AKR1C1: variants seen among roughly 807,000 people sequenced by gnomAD.
AKR1C1 encodes 20 alpha-hydroxysteroid dehydrogenase.
A neutral mutation model predicts 40.6 loss-of-function variants in AKR1C1; 32 were observed. The ratio of observed to expected loss-of-function variants is 0.79; its 90% CI spans 0.60 to 1.06. AKR1C1 has a LOEUF of 1.06. Among genes scored for constraint, AKR1C1 ranks in the 50% least tolerant of loss-of-function variants. AKR1C1 has a pLI of 0.00. For synonymous variants in AKR1C1, 105 were observed against 134.2 expected, an observed-to-expected ratio of 0.78 and a Z score of 1.50; for missense variants, 320 against 363.5, an observed-to-expected ratio of 0.88 and a Z score of 0.97.
chr10:4,973,436 GC>G (rs1244934900), intron 7 of AKR1C1, among the ~76,000 whole-genome samples: 6 of 152,268 alleles, frequency 3.9e-5, no homozygotes, highest in African/African-American at 1.4e-4. Flanking sequence ...CTGTGTGAGC[GC>G]CCCCCTCTCC....
rs1357492916 is a variant in AKR1C1, at chr10:4,978,996, A to G, written c.*1254A>G. The G allele has an allele frequency of 6.6e-6, 1 of 152,238 alleles. No homozygotes were observed. Among genetic ancestry groups the G allele is most frequent in the Non-Finnish European group, 1.5e-5 (1 of 68,044 alleles). The allele number at this position is 152,238 out of a possible 1,614,324, so 9.4% of individuals were successfully genotyped here. On this transcript the variant is annotated 3_prime_UTR_variant, in exon 9 of 9. Transcript: ENST00000380872. The stretch of plus-strand genomic sequence containing the variant: ...ATGCCTTAATGATCAAAGCATTATG[A>G]GAAGGACAGTGGTTTTTAACCTGGG...
At chr10:4,967,295 G>C (rs1221321918) in intron 3 of AKR1C1, 3 of 1,120,972 alleles carry the variant, frequency 2.7e-6, no homozygotes, top group Non-Finnish European at 3.4e-6. Flanking sequence ...GGAAATGATA[G>C]TCATCTCCTT....
In AKR1C1 at chr10:4,968,863, C is replaced by G. The variant is rs140028006; in HGVS notation, c.489C>G (p.Ile163Met). Residue 163 changes from isoleucine to methionine, a missense_variant, in exon 5 of 9, where the codon ATC becomes ATG. This residue lies in a region of AKR1C1 where 214 missense variants were observed against 214.8 expected (regional missense o/e 1.00). Coordinates refer to ENST00000380872, the MANE Select transcript of AKR1C1 (RefSeq NM_001353.6). ...KCKDAGLAKS[I>M]GVSNFNRRQL... ...AAGATGCAGGATTGGCCAAGTCCAT[C>G]GGGGTGTCCAACTTCAACCGCAGGC... 6.2e-6 allele frequency: 10 copies of G among 1,614,054 alleles called. No individual in the cohort carries two copies. In the African/African-American group the frequency reaches 1.3e-4, roughly 22 times the overall value.
chr10:4,964,247 C>T (rs1326337528), intron 1 of AKR1C1, among the ~76,000 whole-genome samples: 1 of 152,180 alleles, frequency 6.6e-6, no homozygotes, highest in African/African-American at 2.4e-5. Flanking sequence ...TATCTCAAGA[C>T]TGTCTTGGGA....
chr10:4,965,798 T>A (rs761174896), intron 1 of AKR1C1, 116 bp from the exon 2 acceptor site: 1 of 1,247,878 alleles, frequency 8.0e-7, no homozygotes, highest in East Asian at 2.4e-5. Context: ...TGATTCTACA[T>A]ACAGAACTCA....
chr10:4,968,549 T>C (rs1430397047), intron 4 of AKR1C1, among the ~76,000 whole-genome samples, 163 bp downstream of exon 4: 1 of 152,064 alleles, frequency 6.6e-6, no homozygotes, highest in Admixed American at 6.5e-5. Flanking sequence ...ATGACAGGCA[T>C]ACAAAAGAGA....
chr10:4,981,317 G>A lies in AKR1C1; in HGVS notation c.*3575G>A, dbSNP rs1554771058. ...ATATGTTGTAATATAGTTAGCCAGGGAGGGGAAAGATCTCTACAAGAAATA... is the reference window on the plus strand; with the variant it reads ...ATATGTTGTAATATAGTTAGCCAGGAAGGGGAAAGATCTCTACAAGAAATA... On this transcript the variant is annotated 3_prime_UTR_variant, in exon 9 of 9. Transcript: ENST00000380872. 6.6e-6 allele frequency: 1 copy of A among 152,186 alleles called. No individual in the cohort carries two copies. Among genetic ancestry groups the A allele is most frequent in the Non-Finnish European group, 1.5e-5 (1 of 68,044 alleles). The allele number at this position is 152,186 out of a possible 1,614,324, so 9.4% of individuals were successfully genotyped here.
In AKR1C1 at chr10:4,972,769, G is replaced by A. The variant is rs1554770032; in HGVS notation, c.846+20G>A. 3.7e-6 allele frequency: 6 copies of A among 1,609,840 alleles called. No homozygotes were observed. Among genetic ancestry groups the A allele is most frequent in the Non-Finnish European group, 5.1e-6 (6 of 1,178,388 alleles). Reference sequence around the variant, plus strand: ...GTGCAGGTGAGGAGCGGGGCTGTGGGCCTCAGGTCTCCTGCACAGTGTCCT... The same window carrying A: ...GTGCAGGTGAGGAGCGGGGCTGTGGACCTCAGGTCTCCTGCACAGTGTCCT... On this transcript the variant is annotated intron_variant, in intron 7 of 8. Coordinates refer to ENST00000380872, the MANE Select transcript of AKR1C1 (RefSeq NM_001353.6).
chr10:4,982,579 T>G lies in AKR1C1; in HGVS notation c.*4837T>G, dbSNP rs1836636885. On this transcript the variant is annotated 3_prime_UTR_variant, in exon 9 of 9. Transcript: ENST00000380872. ...AGGACAGTTAGAGTGCAGACCCACC[T>G]AACCCTGGACCCACTGGTGGTACCC... is the stretch of plus-strand genomic sequence containing the variant. 5.2e-6 allele frequency: 1 copy of G among 192,390 alleles called. No homozygotes were observed. Among genetic ancestry groups the G allele is most frequent in the Non-Finnish European group, 1.1e-5 (1 of 93,652 alleles). 11.9% of individuals were successfully genotyped at this position (192,390 alleles called of 1,614,324 possible). A position where few individuals can be genotyped will look rare whatever the true frequency, so the allele number is the denominator to read the frequency against.
intron 5 of AKR1C1, among the ~76,000 whole-genome samples, chr10:4,969,145 G>A (rs145676493): frequency 1.6e-3 from 247 of 152,316 alleles, no homozygotes; most frequent in Non-Finnish European, 2.3e-3. Flanking sequence ...TAACTTTGAT[G>A]CTGAATTGTG....
At chr10:4,964,005 T>A in intron 1 of AKR1C1, 1 of 727,196 alleles carries the variant, frequency 1.4e-6, no homozygotes, top group South Asian at 1.5e-5. Flanking sequence ...ATTTCTCATG[T>A]ACTATTCTCA....
intron 8 of AKR1C1, among the ~76,000 whole-genome samples, chr10:4,976,345 C>T (rs1208294213): frequency 6.6e-6 from 1 of 152,074 alleles, no homozygotes; most frequent in Admixed American, 6.5e-5. Context: ...AGATCAAAGG[C>T]AGTTCCGTCA....
At chr10:4,976,750 A>G (rs1554770491) in intron 8 of AKR1C1, among the ~76,000 whole-genome samples, 1 of 152,244 alleles carries the variant, frequency 6.6e-6, no homozygotes, top group Non-Finnish European at 1.5e-5. Flanking sequence ...TGCTGGCAGT[A>G]GGGATTTCAA....
intron 4 of AKR1C1, 38 bp from the exon 5 acceptor site, chr10:4,968,784 A>T (rs776794757): frequency 6.2e-7 from 1 of 1,613,754 alleles, no homozygotes. Flanking sequence ...TGTCACATTT[A>T]TCTTGATCTT....
At chr10:4,968,977 C>G (rs1564315986) in intron 5 of AKR1C1, 33 bp downstream of exon 5, 2 of 1,613,986 alleles carry the variant, frequency 1.2e-6, no homozygotes, top group South Asian at 1.1e-5. Flanking sequence ...CCTTTCTGTT[C>G]TTCATGCCCC....
chr10:4,976,223 G>T (rs1467767728), intron 8 of AKR1C1, among the ~76,000 whole-genome samples: 4 of 152,230 alleles, frequency 2.6e-5, no homozygotes, highest in African/African-American at 9.6e-5. Flanking sequence ...TAGGCCTGCT[G>T]TTTGTGCTAC....
At position 4,966,491 on chromosome 10, in the gene AKR1C1, C is replaced by T. The variant is rs373527324; in HGVS notation, c.252+410C>T. ...AAGCTCTGTGAGTATTAAAGAATAACGCCTACATTATCTCAAATTGTGTCC... is the reference window on the plus strand; with the variant it reads ...AAGCTCTGTGAGTATTAAAGAATAATGCCTACATTATCTCAAATTGTGTCC... On this transcript the variant is annotated intron_variant, in intron 2 of 8. Coordinates refer to ENST00000380872, the MANE Select transcript of AKR1C1 (RefSeq NM_001353.6). Among the ~76,000 whole-genome samples, 24 of 152,240 alleles carry T rather than the reference C, an allele frequency of 1.6e-4. No individual in the cohort carries two copies. The South Asian group carries it at 1.7e-3, about 11-fold the overall frequency.
chr10:4,967,329 A>T (rs1381594275), intron 3 of AKR1C1: 1 of 1,126,484 alleles, frequency 8.9e-7, no homozygotes, highest in African/African-American at 1.6e-5. Flanking sequence ...CTTAGTTATG[A>T]TTCCTGATTT....
rs549434904 is a variant in AKR1C1, at chr10:4,975,388, C to T, written c.847-463C>T. On this transcript the variant is annotated intron_variant, in intron 7 of 8. Coordinates refer to ENST00000380872, the MANE Select transcript of AKR1C1 (RefSeq NM_001353.6). ...TACCCACACCTTTTGAATGTGAAAT[C>T]GTTAGTATTTAGACAATTATTGGCT... Among the ~76,000 whole-genome samples, 30 of 152,262 alleles carry T rather than the reference C, an allele frequency of 2.0e-4. No individual in the cohort carries two copies. The South Asian group carries it at 3.7e-3, about 19-fold the overall frequency.
Sources: gnomAD v4.1 joint callset for allele counts (sites outside exome capture counted in the v4.1 genomes callset) on GRCh38, gnomAD v4.1.1 for gene constraint, gnomAD v4.1.1 regional missense constraint, MANE v1.5 for transcripts, NCBI Gene and HGNC (gene_info 2026-07-23, HGNC 2026-07-21) for gene names.